Variants in FER observed in about 807,000 individuals in gnomAD.
The protein encoded by FER is FER tyrosine kinase.
FER carries 63 observed loss-of-function variants against 111.0 expected under a neutral mutation model. The observed-to-expected ratio is 0.57, with a 90% CI of 0.46 to 0.70. The LOEUF (loss-of-function observed/expected upper bound fraction) is 0.70. FER is among the 30% of genes least tolerant of loss of function. The pLI is 0.00. For missense variants in FER, 914 were observed against 954.0 expected, an observed-to-expected ratio of 0.96 and a Z score of 0.55; for synonymous variants, 327 against 313.9, an observed-to-expected ratio of 1.04 and a Z score of -0.44.
intron 12 of FER, among the ~76,000 whole-genome samples, chr5:108,957,153 G>A (rs756903539): frequency 6.6e-6 from 1 of 151,654 alleles, no homozygotes; most frequent in African/African-American, 2.4e-5. Context: ...GAGTTTTTGC[G>A]AGAATCAAAT....
At chr5:108,879,697 A>ATATATATATATATATATATATATAT (rs1554084588) in intron 8 of FER, among the ~76,000 whole-genome samples, 3 of 96,034 alleles carry the variant, frequency 3.1e-5, no homozygotes, top group African/African-American at 1.2e-4. Context: ...TTAGATTAAA[A>ATATATATATATATATATATATATAT]AAAAATATAT....
chr5:108,851,294 AGATT>A (rs1313315335), intron 5 of FER, among the ~76,000 whole-genome samples: 1 of 152,178 alleles, frequency 6.6e-6, no homozygotes, highest in African/African-American at 2.4e-5. Context: ...GCAAAGAGAG[AGATT>A]GGGCAGGGAA....
intron 19 of FER, among the ~76,000 whole-genome samples, chr5:109,186,764 A>AATAACTAAGTAATG (rs1758918445): frequency 6.6e-6 from 1 of 152,218 alleles, no homozygotes; most frequent in Admixed American, 6.5e-5. Flanking sequence ...CATAGATGGG[A>AATAACTAAGTAATG]ATAACTAAGT....
chr5:109,171,166 C>T (rs1262026016), intron 17 of FER, among the ~76,000 whole-genome samples: 2 of 152,094 alleles, frequency 1.3e-5, no homozygotes, highest in Middle Eastern at 3.2e-3. Flanking sequence ...TTGCTGTCAG[C>T]CATTATAAAA....
intron 17 of FER, among the ~76,000 whole-genome samples, chr5:109,153,638 T>C (rs1755080218): frequency 6.6e-6 from 1 of 151,880 alleles, no homozygotes; most frequent in African/African-American, 2.4e-5. Flanking sequence ...CATTTATGTA[T>C]TGCTTTCTAT....
chr5:108,921,729 TC>T (rs1253483920), intron 10 of FER, among the ~76,000 whole-genome samples: 2 of 152,172 alleles, frequency 1.3e-5, no homozygotes, highest in African/African-American at 4.8e-5. Flanking sequence ...AAATGTTAAG[TC>T]ACTGCTGAAA....
chr5:109,042,717 A>C (rs556919342), intron 14 of FER, among the ~76,000 whole-genome samples: 28 of 152,292 alleles, frequency 1.8e-4, no homozygotes, highest in Middle Eastern at 6.8e-3. Context: ...AGTCTTCATG[A>C]ACAAGGGGCA....
chr5:108,828,222 TAAAATGGATAGTGTTAAC>T (rs1242029296), intron 3 of FER, among the ~76,000 whole-genome samples: 3 of 152,190 alleles, frequency 2.0e-5, no homozygotes, highest in Non-Finnish European at 2.9e-5. Flanking sequence ...TGTACTTTGT[TAAAATGGATAGTGTTAAC>T]TTTCCTTAAA....
intron 2 of FER, among the ~76,000 whole-genome samples, chr5:108,774,384 A>G (rs1753258686): frequency 6.6e-6 from 1 of 152,194 alleles, no homozygotes; most frequent in Admixed American, 6.5e-5. Flanking sequence ...GTGTCTTTAT[A>G]GTAGAATGAT....
chr5:108,998,704 G>C (rs1764331126), intron 13 of FER, among the ~76,000 whole-genome samples: 1 of 151,310 alleles, frequency 6.6e-6, no homozygotes, highest in Admixed American at 6.6e-5. Context: ...TTCTGGGTCT[G>C]TTGAGATAAA....
rs530834909 is a variant in FER, at chr5:109,131,911, G to A, written c.2048+31392G>A. On this transcript the variant is annotated intron_variant, in intron 17 of 19. Coordinates refer to ENST00000281092, the MANE Select transcript of FER (RefSeq NM_005246.4). ...ACATGTAAATTAAAACCGCTTTGCT[G>A]TCAGACAGATCCAGTTAAAATTCAG... is the stretch of plus-strand genomic sequence containing the variant. 2.6e-5 allele frequency among the ~76,000 whole-genome samples: 4 copies of A among 152,204 alleles called. No homozygotes were observed. In the East Asian group the frequency reaches 7.7e-4, roughly 29 times the overall value.
intron 3 of FER, among the ~76,000 whole-genome samples, chr5:108,820,878 C>G (rs1420311709): frequency 1.3e-5 from 2 of 152,204 alleles, no homozygotes; most frequent in Non-Finnish European, 2.9e-5. Context: ...GTAATCCCAG[C>G]ACTTTGGGAG....
intron 16 of FER, among the ~76,000 whole-genome samples, chr5:109,071,353 T>G (rs1206124384): frequency 5.9e-5 from 9 of 152,046 alleles, no homozygotes; most frequent in African/African-American, 2.2e-4. Context: ...TAGACTGACC[T>G]TATGGATTTT....
intron 16 of FER, among the ~76,000 whole-genome samples, chr5:109,089,976 G>A (rs542450005): frequency 1.3e-5 from 2 of 152,254 alleles, no homozygotes; most frequent in African/African-American, 2.4e-5. Flanking sequence ...AGTGCCTTTC[G>A]GAGGAAGCAC....
intron 13 of FER, among the ~76,000 whole-genome samples, chr5:108,989,262 C>T (rs940507104): frequency 2.0e-5 from 3 of 151,984 alleles, no homozygotes; most frequent in East Asian, 1.9e-4. Context: ...TATGAGAAAA[C>T]GATTATGGGA....
chr5:108,777,741 A>G (rs559823344), intron 2 of FER, among the ~76,000 whole-genome samples: 7 of 152,338 alleles, frequency 4.6e-5, no homozygotes, highest in African/African-American at 1.4e-4. Context: ...GGGAGGCCTC[A>G]CAATCATGGT....
chr5:108,843,963 C>T (rs148156166), intron 5 of FER, among the ~76,000 whole-genome samples: 23 of 150,314 alleles, frequency 1.5e-4, no homozygotes, highest in Admixed American at 3.3e-4. Flanking sequence ...AATTTTGTCA[C>T]GGCTAGGCTT....
At chr5:108,799,097 T>C (rs1284547336) in intron 3 of FER, among the ~76,000 whole-genome samples, 3 of 152,184 alleles carry the variant, frequency 2.0e-5, no homozygotes, top group African/African-American at 7.2e-5. Context: ...GTAGCTCTTA[T>C]TTGCTATCAT....
intron 16 of FER, among the ~76,000 whole-genome samples, chr5:109,058,846 C>T (rs1774005171): frequency 6.7e-6 from 1 of 149,330 alleles, no homozygotes; most frequent in Non-Finnish European, 1.5e-5. Context: ...GATTCTCCTG[C>T]CTCAGCCTCC....
Sources: allele counts gnomAD v4.1 joint callset (sites outside exome capture counted in the v4.1 genomes callset), GRCh38; gene constraint gnomAD v4.1.1; transcripts MANE v1.5; gene names NCBI Gene and HGNC (gene_info 2026-07-23, HGNC 2026-07-21).